Variants in CDC25A observed in about 807,000 individuals in gnomAD.
CDC25A encodes M-phase inducer phosphatase 1.
A neutral mutation model predicts 64.6 loss-of-function variants in CDC25A; 17 were observed. That is an observed-to-expected ratio of 0.26 (90% CI 0.18 to 0.39). CDC25A has a LOEUF of 0.39. CDC25A is among the 10% of genes least tolerant of loss of function. The pLI, the probability that CDC25A is intolerant of heterozygous loss-of-function variation, is 1.00. For synonymous variants in CDC25A, 229 were observed against 238.6 expected (o/e 0.96, Z 0.37); for missense variants, 473 against 654.8 (o/e 0.72, Z 3.03).
At chr3:48,176,106 TGCA>T (rs2032445586) in intron 8 of CDC25A, among the ~76,000 whole-genome samples, 1 of 152,142 alleles carries the variant, frequency 6.6e-6, no homozygotes, top group Non-Finnish European at 1.5e-5. Context: ...AGGCAGAGGT[TGCA>T]GCAAGTCAAG....
At chr3:48,166,620 A>G (rs1411140529) in intron 10 of CDC25A, among the ~76,000 whole-genome samples, 1 of 152,252 alleles carries the variant, frequency 6.6e-6, no homozygotes, top group East Asian at 1.9e-4. Context: ...AAAGAGACCT[A>G]GCCCAGCCTT....
rs1465613780 is a variant in CDC25A at position 48,188,013 on chromosome 3, C to CCGCCGA, written c.-72_-67dup. On this transcript the variant is annotated 5_prime_UTR_variant, in exon 1 of 15. Transcript: ENST00000302506. ...CTGCCTCCGCCGCGACCGCCCCGCCCCGCCGACACCGGCCTCGGCCGCGCG... is the reference window on the plus strand; with the variant it reads ...CTGCCTCCGCCGCGACCGCCCCGCCCCGCCGACGCCGACACCGGCCTCGGCCGCGCG... 2 of 1,257,952 alleles carry CCGCCGA rather than the reference C, an allele frequency of 1.6e-6. No individual in the cohort carries two copies. The highest frequency in any genetic ancestry group is 3.2e-5 in the East Asian group (1 of 31,180). The allele number at this position is 1,257,952 out of a possible 1,614,324, so 77.9% of individuals were successfully genotyped here. A position where few individuals can be genotyped will look rare whatever the true frequency, so the allele number is the denominator to read the frequency against.
At chr3:48,167,435 C>T (rs781435862) in intron 10 of CDC25A, among the ~76,000 whole-genome samples, 2 of 152,196 alleles carry the variant, frequency 1.3e-5, no homozygotes, top group African/African-American at 2.4e-5. Context: ...GGCCAAGCTT[C>T]TCTGAACGGA....
intron 7 of CDC25A, 24 bp downstream of exon 7, chr3:48,177,830 A>AAC (rs3731514): frequency 5.5e-5 from 81 of 1,474,196 alleles, no homozygotes; most frequent in Admixed American, 5.3e-4. Flanking sequence ...AACAAATAGG[A>AAC]ACACACACAC....
At chr3:48,165,162 G>C (rs532233805) in intron 12 of CDC25A, among the ~76,000 whole-genome samples, 1 of 150,188 alleles carries the variant, frequency 6.7e-6, no homozygotes, top group Non-Finnish European at 1.5e-5. Context: ...TTCTTCTTGG[G>C]AACGTGTGTC....
At chr3:48,182,421 C>T (rs1199809659) in intron 5 of CDC25A, among the ~76,000 whole-genome samples, 1 of 152,144 alleles carries the variant, frequency 6.6e-6, no homozygotes. Context: ...GGGTAGATAA[C>T]CAGAAATTCA....
Position 48,187,910 on chromosome 3 carries a change from AGGC to A in CDC25A, c.35_37del (p.Arg12del), listed in dbSNP as rs1245850205. On this transcript the variant is annotated inframe_deletion, in exon 1 of 15. Transcript: ENST00000302506. ...GGGAGGGGGGCTGCAGGCGAAGAGC[AGGC>A]GGCGGCGGTGCGGGGGCTCCGGGCC... 1 of 1,538,868 alleles carries A rather than the reference AGGC, an allele frequency of 6.5e-7. No homozygotes were observed. The highest frequency in any genetic ancestry group is 1.4e-5 in the African/African-American group (1 of 71,780).
intron 13 of CDC25A, among the ~76,000 whole-genome samples, chr3:48,161,719 A>G (rs2031773466): frequency 6.6e-6 from 1 of 152,124 alleles, no homozygotes; most frequent in African/African-American, 2.4e-5. Context: ...AAAAATAAAA[A>G]AAAAAGAGAG....
At chr3:48,184,845 TC>T in intron 2 of CDC25A, 150 bp from the exon 3 acceptor site, 1 of 603,100 alleles carries the variant, frequency 1.7e-6, no homozygotes, top group South Asian at 2.2e-5. Flanking sequence ...TGATGTTACG[TC>T]TATTAGATTG....
chr3:48,180,427 G>GAT (rs2032622248), intron 6 of CDC25A: 1 of 259,856 alleles, frequency 3.8e-6, no homozygotes, highest in Non-Finnish European at 7.2e-6. Context: ...AATAGGAAGA[G>GAT]ATATAATCCC....
intron 10 of CDC25A, among the ~76,000 whole-genome samples, chr3:48,167,380 T>C (rs1031106224): frequency 6.6e-5 from 10 of 152,236 alleles, no homozygotes; most frequent in African/African-American, 1.9e-4. Flanking sequence ...ATCAGGCTAT[T>C]AGAAGATCTT....
In CDC25A at chr3:48,182,917, A is replaced by G; in HGVS notation, c.429+12T>C. On this transcript the variant is annotated intron_variant, in intron 5 of 14. Transcript: ENST00000302506. Reference sequence around the variant, plus strand: ...CCTCTGCCTCAGGTTAGTACATTGAAGTCACACTCACATTTTCCTTGTTCT... The same window carrying G: ...CCTCTGCCTCAGGTTAGTACATTGAGGTCACACTCACATTTTCCTTGTTCT... 1 of 1,558,556 alleles carries G rather than the reference A, an allele frequency of 6.4e-7. No homozygotes were observed. The highest frequency in any genetic ancestry group is 1.1e-5 in the South Asian group (1 of 89,940).
At chr3:48,184,078 G>A (rs1048444817) in intron 3 of CDC25A, among the ~76,000 whole-genome samples, 5 of 152,040 alleles carry the variant, frequency 3.3e-5, no homozygotes, top group South Asian at 2.1e-4. Context: ...TCGGCTGGGC[G>A]CGGTGGCTCA....
intron 5 of CDC25A, among the ~76,000 whole-genome samples, chr3:48,182,323 C>T (rs986224898): frequency 2.0e-5 from 3 of 152,112 alleles, no homozygotes; most frequent in Non-Finnish European, 4.4e-5. Context: ...TATAGAAATA[C>T]AGTAGAGAGA....
intron 7 of CDC25A, 79 bp from the exon 8 acceptor site, chr3:48,177,521 C>G: frequency 9.4e-7 from 1 of 1,063,822 alleles, no homozygotes; most frequent in Non-Finnish European, 1.5e-6. Context: ...TGTGTTTCTC[C>G]CTGAACAATA....
chr3:48,174,180 C>T, intron 9 of CDC25A, 104 bp downstream of exon 9: 2 of 1,099,410 alleles, frequency 1.8e-6, no homozygotes, highest in Admixed American at 5.1e-5. Context: ...CACAAAACCC[C>T]AGCAAATCTT....
Position 48,177,983 on chromosome 3 carries a change from G to A in CDC25A, c.555C>T (p.Ser185=), listed in dbSNP as rs765902652. ...RQNSAPARML[S]SNERDSSEPG... is the part of the protein sequence containing the mutation. ...GTTCACTGCTATCTCTTTCATTTGAGGAAAGCTGTAAGACAAAATTCATGG... is the reference window on the plus strand; with the variant it reads ...GTTCACTGCTATCTCTTTCATTTGAAGAAAGCTGTAAGACAAAATTCATGG... The change falls in exon 7 of 15, where the codon TCC becomes TCT. Residue 185 remains serine (S), a synonymous_variant. Transcript: ENST00000302506. 6.2e-7 allele frequency: 1 copy of A among 1,608,106 alleles called. No homozygotes were observed. The highest frequency in any genetic ancestry group is 1.7e-5 in the Admixed American group (1 of 58,882).
At chr3:48,184,255 G>A (rs1304374848) in intron 3 of CDC25A, among the ~76,000 whole-genome samples, 4 of 151,990 alleles carry the variant, frequency 2.6e-5, no homozygotes, top group East Asian at 3.9e-4. Context: ...CCAGCTACTC[G>A]GGAGGCTGAG....
chr3:48,172,129 A>G (rs532146504), intron 9 of CDC25A, among the ~76,000 whole-genome samples: 18 of 152,298 alleles, frequency 1.2e-4, no homozygotes, highest in African/African-American at 4.3e-4. Flanking sequence ...GTGCTAGTGC[A>G]CTCCAGCCTG....
Sources: gnomAD v4.1 joint callset for allele counts (sites outside exome capture counted in the v4.1 genomes callset) on GRCh38, gnomAD v4.1.1 for gene constraint, MANE v1.5 for transcripts, NCBI Gene and HGNC (gene_info 2026-07-23, HGNC 2026-07-21) for gene names.